Variants in TRRAP observed in about 807,000 individuals in gnomAD.
TRRAP encodes transformation/transcription domain associated protein.
Under a neutral mutation model 438.8 loss-of-function variants are expected in TRRAP, and 41 were observed. The observed-to-expected ratio is 0.09, with a 90% CI of 0.07 to 0.12. The LOEUF is 0.12. TRRAP is among the 10% of genes least tolerant of loss of function. TRRAP has a pLI of 1.00. For synonymous variants in TRRAP, 1,994 were observed against 1,962.9 expected (o/e 1.02, Z -0.42); for missense variants, 3,122 against 5,055.1 (o/e 0.62, Z 11.60).
chr7:98,910,403 A>G lies in TRRAP; in HGVS notation c.1698A>G (p.Ser566=), dbSNP rs138877839. The change falls in exon 15 of 73, where the codon TCA becomes TCG. Residue 566 remains serine (S), a synonymous_variant. Transcript: ENST00000456197. ...GVKTITWGIT[S]CKAPGEAQFI... ...AGACAATCACGTGGGGCATAACATCATGCAAAGCACCTGGTGGTAATTCTG... is the reference window on the plus strand; with the variant it reads ...AGACAATCACGTGGGGCATAACATCGTGCAAAGCACCTGGTGGTAATTCTG... 1.3e-4 allele frequency: 206 copies of G among 1,609,444 alleles called. No individual in the cohort carries two copies. The highest frequency in any genetic ancestry group is 1.7e-4 in the Non-Finnish European group (203 of 1,179,072).
chr7:98,981,592 C>G (rs1792920316), intron 58 of TRRAP, among the ~76,000 whole-genome samples, 177 bp from the exon 59 acceptor site: 2 of 152,180 alleles, frequency 1.3e-5, no homozygotes, highest in South Asian at 4.1e-4. Flanking sequence ...GGAGAGTATC[C>G]AGAAAAGACT....
At chr7:98,907,131 C>G (rs782800641) in intron 13 of TRRAP, among the ~76,000 whole-genome samples, 15 of 152,098 alleles carry the variant, frequency 9.9e-5, no homozygotes, top group Non-Finnish European at 1.9e-4. Flanking sequence ...TGAGACCAGC[C>G]TGACCAACAT....
chr7:98,979,840 T>A (rs566469513), intron 58 of TRRAP, among the ~76,000 whole-genome samples: 2 of 152,340 alleles, frequency 1.3e-5, no homozygotes, highest in South Asian at 4.1e-4. Flanking sequence ...TGCACTAAAT[T>A]AATTTCAAAT....
intron 14 of TRRAP, 140 bp from the exon 15 acceptor site, chr7:98,909,916 T>A (rs1331143041): frequency 3.2e-5 from 45 of 1,422,952 alleles, no homozygotes; most frequent in Admixed American, 5.5e-5. Context: ...TGCAATTCCT[T>A]TGACACCAAC....
At chr7:98,894,556 A>G (rs1227039764) in intron 6 of TRRAP, among the ~76,000 whole-genome samples, 3 of 151,840 alleles carry the variant, frequency 2.0e-5, no homozygotes, top group Non-Finnish European at 4.4e-5. Context: ...TAGGATTCCT[A>G]CCATCTCAAA....
chr7:98,878,896 C>T (rs1305520566), intron 1 of TRRAP, among the ~76,000 whole-genome samples: 3 of 152,174 alleles, frequency 2.0e-5, no homozygotes, highest in Admixed American at 2.0e-4. Flanking sequence ...GTAGCTCGGC[C>T]TGGGACGCGG....
intron 69 of TRRAP, among the ~76,000 whole-genome samples, chr7:99,007,817 A>G (rs1423383834): frequency 6.7e-6 from 1 of 149,212 alleles, no homozygotes; most frequent in Non-Finnish European, 1.5e-5. Context: ...TTGTTTTTTT[A>G]AGATGTCTTT....
chr7:98,984,013 C>G (rs888002934), intron 60 of TRRAP, 80 bp from the exon 61 acceptor site: 1 of 1,471,916 alleles, frequency 6.8e-7, no homozygotes. Flanking sequence ...GTGTGTGTTT[C>G]ATTTTTTATT....
chr7:98,885,254 A>T (rs1041671087), intron 3 of TRRAP, among the ~76,000 whole-genome samples: 2 of 147,364 alleles, frequency 1.4e-5, no homozygotes, highest in South Asian at 4.3e-4. Flanking sequence ...TGCTTGGCTA[A>T]TTTTTTTTTT....
intron 30 of TRRAP, among the ~76,000 whole-genome samples, chr7:98,942,281 C>A (rs1554415829): frequency 6.6e-6 from 1 of 152,182 alleles, no homozygotes; most frequent in Non-Finnish European, 1.5e-5. Context: ...AAGTGGGGTC[C>A]ACATCTATCT....
intron 69 of TRRAP, among the ~76,000 whole-genome samples, chr7:99,008,134 T>C (rs1794277771): frequency 6.6e-6 from 1 of 152,240 alleles, no homozygotes; most frequent in African/African-American, 2.4e-5. Flanking sequence ...AAGATGTCTT[T>C]TTAAGATTGC....
intron 3 of TRRAP, among the ~76,000 whole-genome samples, chr7:98,889,088 G>A (rs1483748268): frequency 9.3e-6 from 1 of 107,224 alleles, no homozygotes; most frequent in Non-Finnish European, 1.8e-5. Flanking sequence ...TTGCTATATT[G>A]CCCAGGCTGG....
At chr7:98,946,048 G>A (rs571014791) in intron 33 of TRRAP, 98 bp downstream of exon 33, 18 of 1,259,448 alleles carry the variant, frequency 1.4e-5, no homozygotes, top group Non-Finnish European at 1.6e-5. Flanking sequence ...GACAGAGTGC[G>A]TTGTGCCCTT....
intron 67 of TRRAP, among the ~76,000 whole-genome samples, chr7:98,996,271 C>T (rs1465224733): frequency 6.6e-6 from 1 of 152,250 alleles, no homozygotes; most frequent in Non-Finnish European, 1.5e-5. Flanking sequence ...ACAGGCACAG[C>T]TGCTTCTCGT....
At chr7:98,973,449 A>G (rs1179170079) in intron 53 of TRRAP, among the ~76,000 whole-genome samples, 2 of 152,116 alleles carry the variant, frequency 1.3e-5, no homozygotes, top group Admixed American at 6.5e-5. Context: ...TTCTAGCAGT[A>G]TGTTGTGCGA....
intron 70 of TRRAP, among the ~76,000 whole-genome samples, chr7:99,009,880 CTTT>C (rs138174570): frequency 8.1e-4 from 78 of 96,692 alleles, no homozygotes; most frequent in African/African-American, 3.5e-3. Flanking sequence ...TCATTCTTCT[CTTT>C]TTTTTTTTTT....
At position 98,956,404 on chromosome 7, in the gene TRRAP, T is replaced by C; in HGVS notation, c.6102T>C (p.Asp2034=). ...AGCGCCTGTGTGTTTTTAAGCCGGA[T>C]TCAGATATGGACCCAAATTCCAGTG... ...ELQRIKDQQP[D]SDMDPNSSGE... is the part of the protein sequence containing the mutation. The change falls in exon 43 of 73, where the codon GAT becomes GAC. Residue 2034 remains aspartate (D), a synonymous_variant. Transcript: ENST00000456197. The surrounding 1 kb of genome is among the most constrained non-coding windows in gnomAD (Gnocchi z 4.5). The C allele has an allele frequency of 6.2e-7, 1 of 1,613,940 alleles. No homozygotes were observed. Among genetic ancestry groups the C allele is most frequent in the Non-Finnish European group, 8.5e-7 (1 of 1,179,960 alleles).
intron 62 of TRRAP, among the ~76,000 whole-genome samples, chr7:98,986,214 A>G (rs190204287): frequency 5.9e-5 from 9 of 152,256 alleles, no homozygotes; most frequent in Admixed American, 2.0e-4. Flanking sequence ...GGTTGTTCCT[A>G]CTTTTTAGCT....
At position 98,978,305 on chromosome 7, in the gene TRRAP, G is replaced by C; in HGVS notation, c.8480G>C (p.Trp2827Ser). 6.2e-7 allele frequency: 1 copy of C among 1,614,044 alleles called. No individual in the cohort carries two copies. Among genetic ancestry groups the C allele is most frequent in the Non-Finnish European group, 8.5e-7 (1 of 1,179,968 alleles). Residue 2827 changes from tryptophan to serine, a missense_variant, in exon 57 of 73, where the codon TGG (tryptophan) becomes TCG (serine). Trp to Ser is a radical substitution (Grantham distance 177). Around this residue, in one of 24 missense-constraint regions of TRRAP, gnomAD observed 992 missense variants for 1,281.2 expected, o/e 0.77. Coordinates refer to ENST00000456197, the MANE Select transcript of TRRAP (RefSeq NM_001375524.1). ...SPAIFPEYQLWEDHWIRCSKE... is the reference protein window; with the variant it reads ...SPAIFPEYQLSEDHWIRCSKE... Reference sequence around the variant, plus strand: ...GCTATTTTCCCTGAATACCAGCTCTGGGAAGACCACTGGATTCGGTAAGCC... The same window carrying C: ...GCTATTTTCCCTGAATACCAGCTCTCGGAAGACCACTGGATTCGGTAAGCC...
Sources: gnomAD v4.1 joint callset for allele counts (sites outside exome capture counted in the v4.1 genomes callset) on GRCh38, gnomAD v4.1.1 for gene constraint, gnomAD v4.1.1 regional missense constraint, Gnocchi (gnomAD v3.1) non-coding constraint, MANE v1.5 for transcripts, NCBI Gene and HGNC (gene_info 2026-07-23, HGNC 2026-07-21) for gene names.